The following KATNIP variants were observed in gnomAD, a reference collection of about 807,000 sequenced individuals.
KATNIP encodes the protein katanin interacting protein, also known as katanin-interacting protein.
KATNIP carries 126 observed loss-of-function variants against 174.0 expected under a neutral mutation model. That is an observed-to-expected ratio of 0.72 (90% CI 0.63 to 0.84). The LOEUF (loss-of-function observed/expected upper bound fraction) is 0.84. Ranked by LOEUF, KATNIP falls within the 40% of genes least tolerant of loss-of-function variation. The pLI is 0.00. For missense variants in KATNIP, 1,958 were observed against 2,109.7 expected (o/e 0.93, Z 1.41); for synonymous variants, 810 against 835.7 (o/e 0.97, Z 0.53).
intron 13 of KATNIP, 61 bp downstream of exon 13, chr16:27,708,981 C>G: frequency 7.3e-7 from 1 of 1,366,734 alleles, no homozygotes; most frequent in Non-Finnish European, 1.0e-6. Context: ...TTTCTCTGCC[C>G]TTGGTAAATC....
intron 14 of KATNIP, among the ~76,000 whole-genome samples, chr16:27,736,430 A>G (rs2080898073): frequency 6.6e-6 from 1 of 152,246 alleles, no homozygotes; most frequent in Non-Finnish European, 1.5e-5. Context: ...AAGACCATTC[A>G]GAGACTAAAA....
At chr16:27,772,308 A>G (rs1255737489) in intron 22 of KATNIP, among the ~76,000 whole-genome samples, 2 of 152,132 alleles carry the variant, frequency 1.3e-5, no homozygotes, top group Non-Finnish European at 2.9e-5. Flanking sequence ...AGGAAAACTG[A>G]GGCACAGAGA....
At chr16:27,756,099 C>T (rs1303671753) in intron 18 of KATNIP, among the ~76,000 whole-genome samples, 2 of 152,186 alleles carry the variant, frequency 1.3e-5, no homozygotes, top group African/African-American at 4.8e-5. Context: ...GTGAGCTCCA[C>T]ATCCCCTCCC....
chr16:27,635,768 A>G (rs1236917860), intron 5 of KATNIP, among the ~76,000 whole-genome samples: 1 of 152,200 alleles, frequency 6.6e-6, no homozygotes. Context: ...CTGTGGGTCA[A>G]ACTTGCCCCC....
intron 23 of KATNIP, 95 bp downstream of exon 23, chr16:27,773,304 G>C: frequency 1.2e-6 from 1 of 806,926 alleles, no homozygotes; most frequent in Non-Finnish European, 2.0e-6. Context: ...AGAGGGAAAT[G>C]GCCCTCTAGG....
chr16:27,677,212 C>T (rs542149130), intron 6 of KATNIP, among the ~76,000 whole-genome samples: 1 of 152,162 alleles, frequency 6.6e-6, no homozygotes. Flanking sequence ...CAGGTCAGCC[C>T]CTAACAACTA....
At chr16:27,607,305 G>A (rs894761324) in intron 2 of KATNIP, among the ~76,000 whole-genome samples, 1 of 152,170 alleles carries the variant, frequency 6.6e-6, no homozygotes, top group Non-Finnish European at 1.5e-5. Context: ...GAGGCTCTGA[G>A]ACCTTCAGAC....
intron 14 of KATNIP, among the ~76,000 whole-genome samples, chr16:27,737,543 G>A (rs1230342015): frequency 2.0e-5 from 3 of 152,174 alleles, no homozygotes; most frequent in African/African-American, 2.4e-5. Context: ...ACCACCTGGA[G>A]AGCAAGGGAA....
chr16:27,563,097 T>C (rs1446449810), intron 1 of KATNIP, among the ~76,000 whole-genome samples: 1 of 152,228 alleles, frequency 6.6e-6, no homozygotes, highest in African/African-American at 2.4e-5. Flanking sequence ...ATAAGCCAGA[T>C]AGCAGCCTCT....
At chr16:27,736,191 C>T (rs1289812140) in intron 14 of KATNIP, among the ~76,000 whole-genome samples, 3 of 151,954 alleles carry the variant, frequency 2.0e-5, no homozygotes, top group African/African-American at 2.4e-5. Context: ...TTAGTAGAGA[C>T]GGGGTTTCAT....
chr16:27,772,234 T>C (rs529694621), intron 22 of KATNIP, among the ~76,000 whole-genome samples: 14 of 152,328 alleles, frequency 9.2e-5, no homozygotes, highest in South Asian at 8.3e-4. Flanking sequence ...ATTGCACCAC[T>C]GTACTTTAGC....
chr16:27,611,252 G>A (rs1483431228), intron 2 of KATNIP, among the ~76,000 whole-genome samples: 2 of 152,214 alleles, frequency 1.3e-5, no homozygotes, highest in African/African-American at 4.8e-5. Context: ...GATCGCATAT[G>A]CAAGGGGGCC....
intron 6 of KATNIP, among the ~76,000 whole-genome samples, chr16:27,676,923 C>T (rs769429219): frequency 6.6e-6 from 1 of 152,172 alleles, no homozygotes; most frequent in Non-Finnish European, 1.5e-5. Context: ...CCTTTTGCCT[C>T]GGCCTCCCAA....
intron 18 of KATNIP, 136 bp from the exon 19 acceptor site, chr16:27,761,277 C>T (rs544218139): frequency 2.4e-4 from 204 of 863,058 alleles, no homozygotes; most frequent in Non-Finnish European, 3.0e-4. Context: ...CCACAGAGCC[C>T]ACCTGCAAGG....
chr16:27,586,799 A>G (rs1272122374), intron 2 of KATNIP, among the ~76,000 whole-genome samples: 1 of 151,344 alleles, frequency 6.6e-6, no homozygotes, highest in Non-Finnish European at 1.5e-5. Flanking sequence ...ACTGCACTCC[A>G]GCCTGGGTGA....
intron 1 of KATNIP, among the ~76,000 whole-genome samples, chr16:27,559,894 T>C (rs900840858): frequency 6.6e-6 from 1 of 151,530 alleles, no homozygotes; most frequent in African/African-American, 2.4e-5. Context: ...GGTGGGAGAA[T>C]CATTTGAATC....
chr16:27,663,701 C>T (rs1258599350), intron 6 of KATNIP, among the ~76,000 whole-genome samples: 7 of 151,802 alleles, frequency 4.6e-5, no homozygotes, highest in South Asian at 2.1e-4. Flanking sequence ...TCAGGTGATC[C>T]GCCTGCCTTG....
At chr16:27,714,862 A>G (rs368074832) in intron 13 of KATNIP, among the ~76,000 whole-genome samples, 1 of 152,224 alleles carries the variant, frequency 6.6e-6, no homozygotes, top group African/African-American at 2.4e-5. Flanking sequence ...CATTGTCGAG[A>G]TGGTAATACT....
At chr16:27,559,721 C>T (rs1296850034) in intron 1 of KATNIP, among the ~76,000 whole-genome samples, 1 of 151,454 alleles carries the variant, frequency 6.6e-6, no homozygotes, top group Non-Finnish European at 1.5e-5. Flanking sequence ...TGGCTCATAC[C>T]TATAATCTCA....
Sources: gnomAD v4.1 joint callset for allele counts (sites outside exome capture counted in the v4.1 genomes callset) on GRCh38, gnomAD v4.1.1 for gene constraint, MANE v1.5 for transcripts, NCBI Gene and HGNC (gene_info 2026-07-23, HGNC 2026-07-21) for gene names.